THSD7A: variants seen among roughly 807,000 people sequenced by gnomAD.
THSD7A encodes the protein thrombospondin type 1 domain containing 7A.
THSD7A carries 96 observed loss-of-function variants against 231.3 expected under a neutral mutation model. The ratio of observed to expected loss-of-function variants is 0.41; its 90% CI spans 0.35 to 0.49. The LOEUF is 0.49. Ranked by LOEUF, THSD7A falls within the 20% of genes least tolerant of loss-of-function variation. THSD7A has a pLI of 0.05. For synonymous variants in THSD7A, 940 were observed against 743.3 expected (o/e 1.26, Z -4.30); for missense variants, 2,290 against 2,070.2 (o/e 1.11, Z -2.06).
intron 6 of THSD7A, among the ~76,000 whole-genome samples, chr7:11,493,718 A>G: frequency 6.6e-6 from 1 of 152,050 alleles, no homozygotes; most frequent in Non-Finnish European, 1.5e-5. Context: ...TTTGTTGTTC[A>G]TCTCATGCTC....
At chr7:11,515,915 G>C (rs17633522) in intron 6 of THSD7A, among the ~76,000 whole-genome samples, 18,244 of 152,078 alleles carry the variant, frequency 0.12, 1,144 homozygotes, top group Middle Eastern at 0.16. Flanking sequence ...CCCAAACTCA[G>C]TTAAAAGCCT....
intron 1 of THSD7A, among the ~76,000 whole-genome samples, chr7:11,656,463 G>A (rs1782710920): frequency 6.6e-6 from 1 of 151,800 alleles, no homozygotes; most frequent in South Asian, 2.1e-4. Flanking sequence ...ACACACCAGA[G>A]GGATAGAGAA....
chr7:11,436,416 A>C (rs1375741688), intron 13 of THSD7A, among the ~76,000 whole-genome samples: 1 of 152,104 alleles, frequency 6.6e-6, no homozygotes, highest in Non-Finnish European at 1.5e-5. Context: ...TTTAACAAAA[A>C]GCAGTCTGTG....
At chr7:11,462,964 G>C (rs1000134338) in intron 9 of THSD7A, among the ~76,000 whole-genome samples, 1 of 151,998 alleles carries the variant, frequency 6.6e-6, no homozygotes. Context: ...TTAAGATTAC[G>C]TACACTTTAA....
chr7:11,811,298 T>C (rs995547170), intron 1 of THSD7A, among the ~76,000 whole-genome samples: 3 of 152,150 alleles, frequency 2.0e-5, no homozygotes, highest in Non-Finnish European at 4.4e-5. Context: ...AAAGAAAGAA[T>C]ATTTCAAGTT....
In THSD7A at chr7:11,373,075, G is replaced by GTT. The variant is rs1445288206; in HGVS notation, c.*2718_*2719insAA. The GTT allele has an allele frequency of 3.4e-4, 47 of 136,956 alleles. No individual in the cohort carries two copies. Among genetic ancestry groups the GTT allele is most frequent in the African/African-American group, 1.3e-3 (47 of 34,896 alleles). The allele number at this position is 136,956 out of a possible 1,614,324, so 8.5% of individuals were successfully genotyped here. The stretch of plus-strand genomic sequence containing the variant: ...TATATATGGGTGTGTGTGTGTGTGT[G>GTT]TGTATATATATATATGCATGCATAT... On this transcript the variant is annotated 3_prime_UTR_variant, in exon 28 of 28. Coordinates refer to ENST00000423059, the MANE Select transcript of THSD7A (RefSeq NM_015204.3).
At chr7:11,417,703 T>C in intron 16 of THSD7A, 100 bp from the exon 17 acceptor site, 1 of 1,223,526 alleles carries the variant, frequency 8.2e-7, no homozygotes, top group South Asian at 1.7e-5. Context: ...CAGATGGTTC[T>C]CCTTAAGACA....
At chr7:11,740,311 G>A (rs1344983127) in intron 1 of THSD7A, among the ~76,000 whole-genome samples, 2 of 151,912 alleles carry the variant, frequency 1.3e-5, no homozygotes, top group African/African-American at 2.4e-5. Flanking sequence ...CATATCTGAC[G>A]AGGTACATGA....
Position 11,637,045 on chromosome 7 carries a change from A to T in THSD7A, c.191-84T>A. 7.9e-7 allele frequency: 1 copy of T among 1,271,932 alleles called. No individual in the cohort carries two copies. Among genetic ancestry groups the T allele is most frequent in the Non-Finnish European group, 1.1e-6 (1 of 921,670 alleles). 78.8% of individuals were successfully genotyped at this position (1,271,932 alleles called of 1,614,324 possible). On this transcript the variant is annotated intron_variant, in intron 1 of 27. Coordinates refer to ENST00000423059, the MANE Select transcript of THSD7A (RefSeq NM_015204.3). The surrounding 1 kb of genome is among the most constrained non-coding windows in gnomAD (Gnocchi z 4.2). ...GCACATTCCAGAAAGACCTTTCAAG[A>T]CCTAGTACATTAACTTCCCTGCGGT...
chr7:11,518,598 A>AACACACACACACAC (rs138134072), intron 6 of THSD7A, among the ~76,000 whole-genome samples: 392 of 150,176 alleles, frequency 2.6e-3, no homozygotes, highest in African/African-American at 6.2e-3. Context: ...ATAAAATAGA[A>AACACACACACACAC]ACACACACAC....
At chr7:11,491,267 T>C (rs1786880206) in intron 6 of THSD7A, among the ~76,000 whole-genome samples, 1 of 152,128 alleles carries the variant, frequency 6.6e-6, no homozygotes, top group Non-Finnish European at 1.5e-5. Flanking sequence ...TTATAGTCCA[T>C]ATTTTATAAA....
At chr7:11,772,627 C>G (rs1428551483) in intron 1 of THSD7A, among the ~76,000 whole-genome samples, 1 of 152,128 alleles carries the variant, frequency 6.6e-6, no homozygotes, top group Non-Finnish European at 1.5e-5. Flanking sequence ...AAACCACATT[C>G]TGTGCATTCT....
intron 1 of THSD7A, among the ~76,000 whole-genome samples, chr7:11,773,381 A>G (rs1420300784): frequency 6.6e-6 from 1 of 151,966 alleles, no homozygotes; most frequent in Non-Finnish European, 1.5e-5. Context: ...AAAATACGAA[A>G]TTAGCCAGGC....
intron 13 of THSD7A, among the ~76,000 whole-genome samples, chr7:11,430,465 ATTTC>A (rs905098718): frequency 2.6e-5 from 4 of 151,856 alleles, no homozygotes; most frequent in Non-Finnish European, 4.4e-5. Flanking sequence ...ATGTGATCTT[ATTTC>A]TTTTTTGTTT....
chr7:11,765,421 T>G (rs1237311205), intron 1 of THSD7A, among the ~76,000 whole-genome samples: 1 of 152,184 alleles, frequency 6.6e-6, no homozygotes, highest in East Asian at 1.9e-4. Context: ...TTCTTACCAG[T>G]ACGATAGGTT....
intron 23 of THSD7A, among the ~76,000 whole-genome samples, chr7:11,396,887 A>C (rs190263578): frequency 4.1e-4 from 63 of 152,344 alleles, no homozygotes; most frequent in Middle Eastern, 3.4e-3. Context: ...CCACAATCAC[A>C]TACTGGCACA....
chr7:11,545,226 C>A (rs1032759792), intron 4 of THSD7A, among the ~76,000 whole-genome samples: 1 of 151,920 alleles, frequency 6.6e-6, no homozygotes, highest in Non-Finnish European at 1.5e-5. Context: ...GGTAGAAGAC[C>A]TTAAAATCTC....
chr7:11,424,807 T>G lies in THSD7A; in HGVS notation c.3272A>C (p.His1091Pro). 6.2e-7 allele frequency: 1 copy of G among 1,614,028 alleles called. No individual in the cohort carries two copies. ...QAQVYEVVPC[H>P]SDCNQYLWVT... The stretch of plus-strand genomic sequence containing the variant: ...CCATAGGTACTGGTTGCAGTCACTG[T>G]GGCATGGGACAACCTCATACACCTG... Residue 1091 changes from histidine to proline, a missense_variant, in exon 16 of 28, where the codon CAC becomes CCC. Coordinates refer to ENST00000423059, the MANE Select transcript of THSD7A (RefSeq NM_015204.3).
At chr7:11,396,809 C>G (rs574344683) in intron 23 of THSD7A, among the ~76,000 whole-genome samples, 8 of 151,956 alleles carry the variant, frequency 5.3e-5, no homozygotes, top group African/African-American at 1.9e-4. Flanking sequence ...ATACCAAAAC[C>G]TGGCAGATAC....
Sources: gnomAD v4.1 joint callset for allele counts (sites outside exome capture counted in the v4.1 genomes callset) on GRCh38, gnomAD v4.1.1 for gene constraint, Gnocchi (gnomAD v3.1) non-coding constraint, MANE v1.5 for transcripts, NCBI Gene and HGNC (gene_info 2026-07-23, HGNC 2026-07-21) for gene names.